Variants in TADA3 observed in about 807,000 individuals in gnomAD.
The protein encoded by TADA3 is transcriptional adapter 3.
TADA3 carries 25 observed loss-of-function variants against 43.2 expected under a neutral mutation model. The observed-to-expected ratio is 0.58, with a 90% CI of 0.42 to 0.81. The LOEUF (loss-of-function observed/expected upper bound fraction) is 0.81. Among genes scored for constraint, TADA3 ranks in the 30% least tolerant of loss-of-function variants. The pLI is 0.00. For missense variants in TADA3, 441 were observed against 567.8 expected (o/e 0.78, Z 2.27); for synonymous variants, 235 against 225.5 (o/e 1.04, Z -0.38).
rs753263056 is a variant in TADA3 at position 9,787,423 on chromosome 3, T to C, written c.565-83A>G. On this transcript the variant is annotated intron_variant, in intron 4 of 8. Coordinates refer to ENST00000301964, the MANE Select transcript of TADA3 (RefSeq NM_006354.5). ...TTCATTCATTCACTTACCTATCTTA[T>C]ATCTCTCTCAAGTCCCTAGTCCAAG... The C allele has an allele frequency of 1.3e-5, 19 of 1,512,558 alleles. No homozygotes were observed. In the African/African-American group the frequency reaches 2.1e-4, roughly 17 times the overall value. The allele number at this position is 1,512,558 out of a possible 1,614,324, so 93.7% of individuals were successfully genotyped here.
Position 9,784,349 on chromosome 3 carries a change from C to T in TADA3, c.921-136G>A, listed in dbSNP as rs183477061. 3.4e-6 allele frequency: 4 copies of T among 1,161,462 alleles called. No individual in the cohort carries two copies. The African/African-American group carries it at 4.7e-5, about 14-fold the overall frequency. 71.9% of individuals were successfully genotyped at this position (1,161,462 alleles called of 1,614,324 possible). ...CACCCCCTCTGTATCTATCCAGATACAAAGGGAGGGACAGACACATCTGGT... is the reference window on the plus strand; with the variant it reads ...CACCCCCTCTGTATCTATCCAGATATAAAGGGAGGGACAGACACATCTGGT... On this transcript the variant is annotated intron_variant, in intron 7 of 8. Transcript: ENST00000301964.
chr3:9,787,267 G>A lies in TADA3; in HGVS notation c.638C>T (p.Ala213Val). ...EDLLEEQKDG[A>V]RAAAVADKKK... ...CTTGTCAGCCACAGCCGCTGCCCGG[G>A]CCCCATCCTTCTGCTCCTCCAGCAG... The change falls in exon 5 of 9, where the codon GCC becomes GTC. Residue 213 changes from alanine to valine, a missense_variant. Physicochemically the swap from Ala to Val is moderately conservative, Grantham distance 64. Coordinates refer to ENST00000301964, the MANE Select transcript of TADA3 (RefSeq NM_006354.5). 6.2e-7 allele frequency: 1 copy of A among 1,614,178 alleles called. No homozygotes were observed. The highest frequency in any genetic ancestry group is 8.5e-7 in the Non-Finnish European group (1 of 1,180,028).
chr3:9,792,788 G>T (rs750853249), upstream of TADA3: 50 of 1,262,442 alleles, frequency 4.0e-5, no homozygotes, highest in Middle Eastern at 3.0e-4. Flanking sequence ...CTAATTTGGT[G>T]CCCAATCTGA....
intron 4 of TADA3, among the ~76,000 whole-genome samples, 168 bp downstream of exon 4, chr3:9,789,341 G>A (rs552432888): frequency 6.6e-6 from 1 of 152,156 alleles, no homozygotes; most frequent in Non-Finnish European, 1.5e-5. Context: ...GGCAGTGCAC[G>A]GAGAAAGCTG....
At chr3:9,781,400 T>C (rs2078460236) in intron 8 of TADA3, 1 of 424,908 alleles carries the variant, frequency 2.4e-6, no homozygotes, top group African/African-American at 2.0e-5. Context: ...TATTCATATG[T>C]TACCCGTGAG....
At position 9,780,000 on chromosome 3, in the gene TADA3, T is replaced by TTAAG. The variant is rs2078422630; in HGVS notation, c.*353_*356dup. 1.1e-5 allele frequency: 2 copies of TTAAG among 186,500 alleles called. No individual in the cohort carries two copies. The highest frequency in any genetic ancestry group is 2.7e-4 in the East Asian group (2 of 7,280). 11.6% of individuals were successfully genotyped at this position (186,500 alleles called of 1,614,324 possible). ...AAAAACCACAGCAGTCACTTTATTC[T>TTAAG]TAAGTTTGCACTTTACAAAACCACA... is the stretch of plus-strand genomic sequence containing the variant. On this transcript the variant is annotated 3_prime_UTR_variant, in exon 9 of 9. Coordinates refer to ENST00000301964, the MANE Select transcript of TADA3 (RefSeq NM_006354.5).
At chr3:9,787,136 G>A (rs769242124) in intron 5 of TADA3, 27 bp from the exon 6 acceptor site, 11 of 1,614,176 alleles carry the variant, frequency 6.8e-6, no homozygotes, top group Non-Finnish European at 9.3e-6. Context: ...AAGGAGGGGA[G>A]GTGGGCTGAA....
At chr3:9,782,766 G>A (rs2078507857) in intron 8 of TADA3, among the ~76,000 whole-genome samples, 1 of 150,026 alleles carries the variant, frequency 6.7e-6, no homozygotes, top group Non-Finnish European at 1.5e-5. Context: ...ACTCCAGCCT[G>A]GGCAACAGAG....
chr3:9,784,989 T>A (rs534943625), intron 7 of TADA3, among the ~76,000 whole-genome samples: 1 of 152,350 alleles, frequency 6.6e-6, no homozygotes, highest in African/African-American at 2.4e-5. Flanking sequence ...TCTTTTCATG[T>A]CATTTAACTA....
chr3:9,791,313 T>C lies in TADA3; in HGVS notation c.154A>G (p.Thr52Ala), dbSNP rs376165615. The stretch of plus-strand genomic sequence containing the variant: ...CGCCGGCTGGCAGAAGACAGCAGGG[T>C]CTCCAGCTCCAGCTGCAGGGTGTCC... ...ELDTLQLELE[T>A]LLSSASRRLR... Residue 52 changes from threonine (T) to alanine (A), a missense_variant, in exon 2 of 9, where the codon ACC (threonine) becomes GCC (alanine). Transcript: ENST00000301964. 8 of 1,613,816 alleles carry C rather than the reference T, an allele frequency of 5.0e-6. No homozygotes were observed. The highest frequency in any genetic ancestry group is 6.8e-6 in the Non-Finnish European group (8 of 1,180,016).
At chr3:9,789,671 C>T in intron 3 of TADA3, 42 bp downstream of exon 3, 4 of 1,609,724 alleles carry the variant, frequency 2.5e-6, no homozygotes, top group Non-Finnish European at 2.5e-6. Flanking sequence ...GCCTCCACCA[C>T]CAGAACCTTG....
chr3:9,792,069 C>T (rs1219613585), intron 1 of TADA3, 147 bp downstream of exon 1: 1 of 152,440 alleles, frequency 6.6e-6, no homozygotes, highest in Non-Finnish European at 1.5e-5. Flanking sequence ...CAGGCTTTAC[C>T]ATTCTCTACT....
rs1465824242 is a variant in TADA3 at position 9,789,380 on chromosome 3, G to A, written c.564+129C>T. 4 of 807,456 alleles carry A rather than the reference G, an allele frequency of 5.0e-6. No individual in the cohort carries two copies. In the African/African-American group the frequency reaches 7.0e-5, roughly 14 times the overall value. 50.0% of individuals were successfully genotyped at this position (807,456 alleles called of 1,614,324 possible). ...TTGGGCCTAGGTGTCTGGAGGCACT[G>A]ATGGAGCAGACAGCAGACTGGGCAG... On this transcript the variant is annotated intron_variant, in intron 4 of 8. Coordinates refer to ENST00000301964, the MANE Select transcript of TADA3 (RefSeq NM_006354.5).
At chr3:9,792,959 G>A (rs1481886139), upstream of TADA3, 13 of 1,410,112 alleles carry the variant, frequency 9.2e-6, no homozygotes, top group Middle Eastern at 6.3e-4. Context: ...GAAAACTTCC[G>A]GAAGGCCCAA....
intron 8 of TADA3, among the ~76,000 whole-genome samples, chr3:9,782,268 G>C (rs1214603683): frequency 1.3e-5 from 2 of 152,144 alleles, no homozygotes; most frequent in Admixed American, 6.5e-5. Context: ...AACTATTATA[G>C]AAAGAGGCTT....
chr3:9,786,382 A>T (rs1381355323), intron 6 of TADA3, among the ~76,000 whole-genome samples: 1 of 152,184 alleles, frequency 6.6e-6, no homozygotes, highest in Non-Finnish European at 1.5e-5. Context: ...ATAACCTGCA[A>T]CATGTACCCA....
chr3:9,783,947 T>C (rs2078541890), intron 8 of TADA3, 81 bp downstream of exon 8: 4 of 1,479,518 alleles, frequency 2.7e-6, no homozygotes, highest in Non-Finnish European at 3.6e-6. Flanking sequence ...GAAAGCCTGT[T>C]GTAAAACCCC....
Position 9,792,377 on chromosome 3 carries a change from C to G in TADA3, c.-189G>C. ...CTCTAGGGACACCCTAGTGCGACCC[C>G]CGCCCCCTCTACCTCCTCGCTGCGG... On this transcript the variant is annotated 5_prime_UTR_variant, in exon 1 of 9. Transcript: ENST00000301964. 2 of 603,464 alleles carry G rather than the reference C, an allele frequency of 3.3e-6. No homozygotes were observed. Among genetic ancestry groups the G allele is most frequent in the Non-Finnish European group, 4.3e-6 (2 of 470,114 alleles). 37.4% of individuals were successfully genotyped at this position (603,464 alleles called of 1,614,324 possible). A position where few individuals can be genotyped will look rare whatever the true frequency, so the allele number is the denominator to read the frequency against.
At chr3:9,784,310 C>A (rs2078553243) in intron 7 of TADA3, 97 bp from the exon 8 acceptor site, 9 of 1,454,332 alleles carry the variant, frequency 6.2e-6, no homozygotes, top group African/African-American at 1.4e-5. Flanking sequence ...TGAAAACCTG[C>A]CTTTCCCTTT....
Sources: allele counts gnomAD v4.1 joint callset (sites outside exome capture counted in the v4.1 genomes callset), GRCh38; gene constraint gnomAD v4.1.1; transcripts MANE v1.5; gene names NCBI Gene and HGNC (gene_info 2026-07-23, HGNC 2026-07-21).